Variants in CNTN5 observed in about 807,000 individuals in gnomAD.
The protein encoded by CNTN5 is contactin-5.
A neutral mutation model predicts 129.1 loss-of-function variants in CNTN5; 77 were observed. The ratio of observed to expected loss-of-function variants is 0.60; its 90% CI spans 0.50 to 0.72. The LOEUF (loss-of-function observed/expected upper bound fraction) is 0.72. Among genes scored for constraint, CNTN5 ranks in the 30% least tolerant of loss-of-function variants. The pLI, the probability that CNTN5 is intolerant of heterozygous loss-of-function variation, is 0.00. For synonymous variants in CNTN5, 509 were observed against 465.6 expected (o/e 1.09, Z -1.20); for missense variants, 1,478 against 1,328.8 (o/e 1.11, Z -1.75).
At chr11:99,204,293 A>G (rs1252241730) in intron 1 of CNTN5, among the ~76,000 whole-genome samples, 1 of 152,216 alleles carries the variant, frequency 6.6e-6, no homozygotes, top group East Asian at 1.9e-4. Flanking sequence ...GAGACAGAAA[A>G]ACCATACATA....
chr11:99,364,438 A>G (rs1217571132), intron 2 of CNTN5, among the ~76,000 whole-genome samples: 1 of 152,072 alleles, frequency 6.6e-6, no homozygotes, highest in Non-Finnish European at 1.5e-5. Context: ...TTTTCATTTA[A>G]GCTTACCTCC....
chr11:99,115,092 C>G (rs1411113943), intron 1 of CNTN5, among the ~76,000 whole-genome samples: 1 of 152,094 alleles, frequency 6.6e-6, no homozygotes, highest in Non-Finnish European at 1.5e-5. Flanking sequence ...TCTGCTGACA[C>G]CTTTAGATTG....
In CNTN5 at chr11:99,901,039, A is replaced by T. The variant is rs143175074; in HGVS notation, c.578-15015A>T. Reference sequence around the variant, plus strand: ...AATTGTGTAACATTGGGCAAGGTACATAGCTTCTCTGAGCTTCAGTTTCTC... The same window carrying T: ...AATTGTGTAACATTGGGCAAGGTACTTAGCTTCTCTGAGCTTCAGTTTCTC... On this transcript the variant is annotated intron_variant, in intron 6 of 24. Coordinates refer to ENST00000524871, the MANE Select transcript of CNTN5 (RefSeq NM_014361.4). 1.4e-4 allele frequency among the ~76,000 whole-genome samples: 22 copies of T among 152,314 alleles called. No homozygotes were observed. The East Asian group carries it at 2.7e-3, about 19-fold the overall frequency.
intron 7 of CNTN5, among the ~76,000 whole-genome samples, chr11:99,943,556 T>G (rs751948519): frequency 6.6e-6 from 1 of 152,200 alleles, no homozygotes; most frequent in Admixed American, 6.6e-5. Flanking sequence ...CATTTGTCAG[T>G]GTTCGCTTTC....
chr11:99,514,877 C>T (rs887038720), intron 2 of CNTN5, among the ~76,000 whole-genome samples: 4 of 151,924 alleles, frequency 2.6e-5, no homozygotes, highest in African/African-American at 9.7e-5. Flanking sequence ...AAACTGAAAA[C>T]TGAAAACTTT....
intron 16 of CNTN5, among the ~76,000 whole-genome samples, chr11:100,228,774 T>C (rs1334998617): frequency 6.6e-6 from 1 of 152,164 alleles, no homozygotes; most frequent in South Asian, 2.1e-4. Flanking sequence ...AGTCCTCCAG[T>C]GTGAGATGCC....
intron 3 of CNTN5, among the ~76,000 whole-genome samples, chr11:99,602,193 C>T (rs77270122): frequency 1.1e-4 from 17 of 151,578 alleles, no homozygotes; most frequent in South Asian, 4.2e-4. Context: ...CACTTTTATA[C>T]GAATATATAT....
At chr11:99,592,756 C>T (rs752056169) in intron 3 of CNTN5, among the ~76,000 whole-genome samples, 27 of 151,974 alleles carry the variant, frequency 1.8e-4, no homozygotes, top group Non-Finnish European at 3.4e-4. Flanking sequence ...TGAAGTAGAA[C>T]ATGATCATAT....
At chr11:100,147,246 T>C (rs1166820434) in intron 13 of CNTN5, among the ~76,000 whole-genome samples, 2 of 152,118 alleles carry the variant, frequency 1.3e-5, no homozygotes, top group Admixed American at 1.3e-4. Flanking sequence ...GCTTATACTA[T>C]TTTCTCTCCA....
At chr11:99,899,098 T>A (rs1180851628) in intron 6 of CNTN5, among the ~76,000 whole-genome samples, 1 of 152,062 alleles carries the variant, frequency 6.6e-6, no homozygotes, top group African/African-American at 2.4e-5. Context: ...TTTACTGAAG[T>A]CACTAATCAG....
intron 1 of CNTN5, among the ~76,000 whole-genome samples, chr11:99,123,121 ACTGCTTT>A (rs1858437576): frequency 6.6e-6 from 1 of 152,142 alleles, no homozygotes; most frequent in Non-Finnish European, 1.5e-5. Context: ...AAATTGCCAC[ACTGCTTT>A]CTACAATGGC....
At chr11:99,261,424 T>C (rs1862622085) in intron 1 of CNTN5, among the ~76,000 whole-genome samples, 1 of 152,074 alleles carries the variant, frequency 6.6e-6, no homozygotes, top group South Asian at 2.1e-4. Flanking sequence ...CTATTGTATC[T>C]CCTATATACA....
intron 1 of CNTN5, among the ~76,000 whole-genome samples, chr11:99,123,291 A>G (rs1449224551): frequency 1.3e-5 from 2 of 151,772 alleles, no homozygotes; most frequent in Non-Finnish European, 2.9e-5. Context: ...CATTTCTCTG[A>G]TGACTAGTGA....
intron 3 of CNTN5, among the ~76,000 whole-genome samples, chr11:99,645,100 C>A (rs1217022191): frequency 2.0e-5 from 1 of 49,320 alleles, no homozygotes; most frequent in Non-Finnish European, 5.6e-5. Flanking sequence ...TCCGTCTCTA[C>A]TTTAAAAAAA....
intron 4 of CNTN5, among the ~76,000 whole-genome samples, chr11:99,829,659 A>G (rs915706400): frequency 6.6e-6 from 1 of 152,192 alleles, no homozygotes; most frequent in African/African-American, 2.4e-5. Context: ...TGTCAATGCA[A>G]ATGTTTCATA....
chr11:100,050,047 C>T (rs1470033260), intron 9 of CNTN5, among the ~76,000 whole-genome samples: 1 of 152,160 alleles, frequency 6.6e-6, no homozygotes, highest in Non-Finnish European at 1.5e-5. Flanking sequence ...CTAGTTCAAC[C>T]ATTGTGGAAG....
intron 21 of CNTN5, among the ~76,000 whole-genome samples, chr11:100,324,149 T>A (rs947903906): frequency 2.0e-5 from 3 of 152,160 alleles, no homozygotes; most frequent in African/African-American, 7.2e-5. Context: ...GAGTATAGAT[T>A]CAAGTTGCCC....
chr11:99,916,836 T>A (rs556658358), intron 7 of CNTN5, among the ~76,000 whole-genome samples: 1 of 151,970 alleles, frequency 6.6e-6, no homozygotes, highest in African/African-American at 2.4e-5. Context: ...AAGTTAAGAG[T>A]GACCAGCATC....
At chr11:99,971,225 AT>A (rs1188573859) in intron 8 of CNTN5, among the ~76,000 whole-genome samples, 2 of 152,108 alleles carry the variant, frequency 1.3e-5, no homozygotes, top group Non-Finnish European at 1.5e-5. Flanking sequence ...GATGTTGAGA[AT>A]TTTATTCACC....
Sources: allele counts gnomAD v4.1 joint callset (sites outside exome capture counted in the v4.1 genomes callset), GRCh38; gene constraint gnomAD v4.1.1; transcripts MANE v1.5; gene names NCBI Gene and HGNC (gene_info 2026-07-23, HGNC 2026-07-21).